PDE7A: variants seen among roughly 807,000 people sequenced by gnomAD.
PDE7A encodes the protein high affinity 3',5'-cyclic-AMP phosphodiesterase 7A.
In PDE7A, 39 loss-of-function variants were observed where a neutral mutation model predicts 64.3. The ratio of observed to expected loss-of-function variants is 0.61; its 90% confidence interval spans 0.47 to 0.79. The LOEUF (loss-of-function observed/expected upper bound fraction) is 0.79. Ranked by LOEUF, PDE7A falls within the 30% of genes least tolerant of loss-of-function variation. PDE7A has a pLI of 0.00. For synonymous variants in PDE7A, 203 were observed against 206.8 expected (o/e 0.98, Z 0.16); for missense variants, 470 against 582.8 (o/e 0.81, Z 1.99).
chr8:65,756,749 T>A (rs1189039462), intron 3 of PDE7A, among the ~76,000 whole-genome samples: 1 of 152,166 alleles, frequency 6.6e-6, no homozygotes, highest in Non-Finnish European at 1.5e-5. Context: ...GTGGGCTTCC[T>A]CCGGGGTGGT....
rs1806104411 is a variant in PDE7A, at chr8:65,715,684, A to G, written c.*3606T>C. The stretch of plus-strand genomic sequence containing the variant: ...TGAGCCACCATGCCCGGCCACAAAA[A>G]TGTTCTTAAAAAATTAGCTGGCCGG... On this transcript the variant is annotated 3_prime_UTR_variant, in exon 13 of 13. Coordinates refer to ENST00000401827, the MANE Select transcript of PDE7A (RefSeq NM_001242318.3). Among the ~76,000 whole-genome samples the G allele has an allele frequency of 7.1e-6, 1 of 140,258 alleles. No individual in the cohort carries two copies. The highest frequency in any genetic ancestry group is 2.6e-5 in the African/African-American group (1 of 39,062). The allele number at this position is 140,258 out of a possible 152,430, so 92.0% of individuals were successfully genotyped here.
chr8:65,731,336 CTT>C (rs931542745), intron 7 of PDE7A, among the ~76,000 whole-genome samples: 40 of 152,180 alleles, frequency 2.6e-4, no homozygotes, highest in African/African-American at 8.2e-4. Flanking sequence ...GGGCCAGGCT[CTT>C]TTGTCAACTG....
At chr8:65,738,461 C>T (rs560201179) in intron 6 of PDE7A, among the ~76,000 whole-genome samples, 2 of 152,322 alleles carry the variant, frequency 1.3e-5, no homozygotes, top group South Asian at 4.1e-4. Context: ...TACCAGGAAT[C>T]ATGAATTCCT....
chr8:65,773,394 T>G (rs1009356271), intron 3 of PDE7A, among the ~76,000 whole-genome samples: 1 of 152,196 alleles, frequency 6.6e-6, no homozygotes, highest in Non-Finnish European at 1.5e-5. Flanking sequence ...AACTTACACA[T>G]TTGTCACCTT....
At chr8:65,743,123 G>A (rs1287357583) in intron 5 of PDE7A, among the ~76,000 whole-genome samples, 1 of 151,696 alleles carries the variant, frequency 6.6e-6, no homozygotes, top group Non-Finnish European at 1.5e-5. Flanking sequence ...TAGGCTATGA[G>A]CTGTGAGAGT....
chr8:65,790,821 A>T (rs959773676), intron 1 of PDE7A, among the ~76,000 whole-genome samples: 1 of 152,220 alleles, frequency 6.6e-6, no homozygotes, highest in Admixed American at 6.5e-5. Flanking sequence ...TCTGTCTTCC[A>T]GTAAGGTTCT....
chr8:65,750,526 G>A (rs559947286), intron 3 of PDE7A, among the ~76,000 whole-genome samples: 13 of 151,306 alleles, frequency 8.6e-5, no homozygotes, highest in Admixed American at 7.9e-4. Flanking sequence ...GTGTGTGTGT[G>A]AGACAGAGAG....
At chr8:65,723,740 G>A (rs1696120846) in intron 11 of PDE7A, 119 bp from the exon 12 acceptor site, 2 of 620,690 alleles carry the variant, frequency 3.2e-6, no homozygotes, top group Admixed American at 7.9e-5. Flanking sequence ...CCTCATGAGA[G>A]GACAGCTTCG....
intron 3 of PDE7A, among the ~76,000 whole-genome samples, chr8:65,750,643 C>A (rs1376573851): frequency 1.3e-5 from 2 of 151,956 alleles, no homozygotes; most frequent in African/African-American, 2.4e-5. Context: ...GCTCTGTCAC[C>A]ATGGTAGGAT....
intron 1 of PDE7A, among the ~76,000 whole-genome samples, chr8:65,809,295 C>T (rs1810185298): frequency 6.6e-6 from 1 of 152,268 alleles, no homozygotes; most frequent in South Asian, 2.1e-4. Context: ...CACTTTGATA[C>T]AGAAAAACAG....
At chr8:65,793,760 A>G (rs578097929) in intron 1 of PDE7A, among the ~76,000 whole-genome samples, 1 of 152,258 alleles carries the variant, frequency 6.6e-6, no homozygotes, top group East Asian at 1.9e-4. Context: ...AATAGGTGTT[A>G]AACTGCTGTA....
intron 1 of PDE7A, 63 bp from the exon 2 acceptor site, chr8:65,782,906 C>T: frequency 1.1e-6 from 1 of 926,212 alleles, no homozygotes; most frequent in Non-Finnish European, 1.7e-6. Flanking sequence ...TTCAACTCAA[C>T]AAACATGTAT....
chr8:65,744,870 T>C (rs1240843981), intron 5 of PDE7A, among the ~76,000 whole-genome samples: 2 of 152,180 alleles, frequency 1.3e-5, no homozygotes, highest in Non-Finnish European at 1.5e-5. Flanking sequence ...AATTATGAGA[T>C]TGATTCTGTA....
intron 1 of PDE7A, among the ~76,000 whole-genome samples, chr8:65,827,248 C>G (rs1810700429): frequency 6.6e-6 from 1 of 152,168 alleles, no homozygotes; most frequent in Non-Finnish European, 1.5e-5. Flanking sequence ...GAAGAGATTT[C>G]TGTATTGCCT....
At chr8:65,752,812 TCTCA>T (rs1010914595) in intron 3 of PDE7A, among the ~76,000 whole-genome samples, 30 of 152,328 alleles carry the variant, frequency 2.0e-4, no homozygotes, top group African/African-American at 6.0e-4. Context: ...GTGTTTTCTA[TCTCA>T]CTTTCTCTCC....
intron 7 of PDE7A, among the ~76,000 whole-genome samples, chr8:65,730,670 G>A (rs118041909): frequency 0.04 from 6,083 of 151,994 alleles, 178 homozygotes; most frequent in Non-Finnish European, 0.061. Flanking sequence ...GCTCATGCCT[G>A]TAATTCCAGC....
At chr8:65,819,574 G>A (rs1190234732) in intron 1 of PDE7A, among the ~76,000 whole-genome samples, 1 of 152,164 alleles carries the variant, frequency 6.6e-6, no homozygotes, top group South Asian at 2.1e-4. Context: ...TTAAAGCAAT[G>A]TAAGTATTTA....
At chr8:65,815,403 T>G (rs553091294) in intron 1 of PDE7A, among the ~76,000 whole-genome samples, 2 of 152,316 alleles carry the variant, frequency 1.3e-5, no homozygotes, top group East Asian at 3.9e-4. Context: ...TTTTACACTT[T>G]AGAGACAGGA....
chr8:65,742,642 A>G (rs764514808), intron 5 of PDE7A, among the ~76,000 whole-genome samples: 5 of 152,250 alleles, frequency 3.3e-5, no homozygotes, highest in Non-Finnish European at 7.3e-5. Context: ...CTTCAGGTGA[A>G]GCAGTTTTAA....
Sources: allele counts gnomAD v4.1 joint callset (sites outside exome capture counted in the v4.1 genomes callset), GRCh38; gene constraint gnomAD v4.1.1; transcripts MANE v1.5; gene names NCBI Gene and HGNC (gene_info 2026-07-23, HGNC 2026-07-21).